Variants in ALK observed in about 807,000 individuals in gnomAD.
ALK encodes the protein ALK receptor tyrosine kinase, also known as ALK tyrosine kinase receptor.
A neutral mutation model predicts 163.1 loss-of-function variants in ALK; 74 were observed. The observed-to-expected ratio is 0.45, with a 90% confidence interval of 0.38 to 0.55. ALK has a LOEUF of 0.55. Among genes scored for constraint, ALK ranks in the 20% least tolerant of loss-of-function variants. The probability of loss-of-function intolerance (pLI) is 0.00; values close to 1 mark genes in which losing one functional copy is unlikely to be tolerated. For synonymous variants in ALK, 960 were observed against 843.2 expected (o/e 1.14, Z -2.40); for missense variants, 2,063 against 2,105.3 (o/e 0.98, Z 0.39).
rs1268240399 is a variant in ALK at position 29,920,337 on chromosome 2, AC to A, written c.322del (p.Val108SerfsTer20). ...GGCTGGTGAACCGGCGGTCCAGGAG[AC>A]CCCCGGCGCCGGCCCCAGCAACCTG... ...LLRLLGPAPG[V>X]SWTAGSPAPA... On this transcript the variant is annotated frameshift_variant, in exon 1 of 29. Coordinates refer to ENST00000389048, the MANE Select transcript of ALK (RefSeq NM_004304.5). LOFTEE classifies it high-confidence loss of function. The A allele has an allele frequency of 6.4e-7, 1 of 1,550,928 alleles. No individual in the cohort carries two copies. Among genetic ancestry groups the A allele is most frequent in the Non-Finnish European group, 8.7e-7 (1 of 1,148,792 alleles).
intron 3 of ALK, among the ~76,000 whole-genome samples, chr2:29,583,648 C>G (rs1404225791): frequency 6.6e-6 from 1 of 152,098 alleles, no homozygotes; most frequent in East Asian, 1.9e-4. Context: ...AGAGAACTAT[C>G]TAGAAGGACA....
At chr2:29,854,946 C>T (rs1441940619) in intron 1 of ALK, among the ~76,000 whole-genome samples, 1 of 152,050 alleles carries the variant, frequency 6.6e-6, no homozygotes, top group Admixed American at 6.5e-5. Flanking sequence ...ATGAGATCTA[C>T]CCTCTCTTTC....
intron 1 of ALK, among the ~76,000 whole-genome samples, chr2:29,881,445 G>A (rs1328893355): frequency 6.6e-6 from 1 of 152,188 alleles, no homozygotes; most frequent in Non-Finnish European, 1.5e-5. Flanking sequence ...CTTCCAGGAT[G>A]CAAGAAAGAT....
intron 6 of ALK, among the ~76,000 whole-genome samples, chr2:29,324,677 C>G (rs1667195916): frequency 6.6e-6 from 1 of 152,214 alleles, no homozygotes. Flanking sequence ...CATCTGGCCC[C>G]TTTCTAGGGA....
chr2:29,800,994 T>G (rs1487142822), intron 1 of ALK, among the ~76,000 whole-genome samples: 1 of 151,888 alleles, frequency 6.6e-6, no homozygotes, highest in African/African-American at 2.4e-5. Flanking sequence ...GGTAGGTGGG[T>G]CCTACTCACT....
chr2:29,541,286 T>C (rs1477539767), intron 3 of ALK, among the ~76,000 whole-genome samples: 2 of 152,194 alleles, frequency 1.3e-5, no homozygotes, highest in Non-Finnish European at 2.9e-5. Context: ...TCCAAAGCTA[T>C]CAACTTGGCT....
chr2:29,901,374 T>C (rs995672247), intron 1 of ALK, among the ~76,000 whole-genome samples: 5 of 152,206 alleles, frequency 3.3e-5, no homozygotes, highest in Admixed American at 6.5e-5. Flanking sequence ...TTCTTGAGCA[T>C]GTCTCAGCAA....
In ALK at chr2:29,193,628, A is replaced by G. The variant is rs762072069; in HGVS notation, c.4459T>C (p.Ser1487Pro). 2.5e-6 allele frequency: 4 copies of G among 1,614,092 alleles called. No homozygotes were observed. The African/African-American group carries it at 5.3e-5, about 22-fold the overall frequency. The change falls in exon 29 of 29, where the codon TCG becomes CCG. Residue 1487 changes from serine (S) to proline (P), a missense_variant. By Grantham distance (74) the Ser-to-Pro change is moderately conservative. Coordinates refer to ENST00000389048, the MANE Select transcript of ALK (RefSeq NM_004304.5). ...GATCCGTGGACCTTGTGCAACTCCG[A>G]AGGAGGGTTGGACTGAGAGAATGCC... ...NMAFSQSNPPSELHKVHGSRN... is the reference protein window; with the variant it reads ...NMAFSQSNPPPELHKVHGSRN...
At chr2:29,312,145 G>A (rs1666714154) in intron 8 of ALK, among the ~76,000 whole-genome samples, 1 of 152,064 alleles carries the variant, frequency 6.6e-6, no homozygotes, top group Non-Finnish European at 1.5e-5. Flanking sequence ...CCAGATTCAG[G>A]CTCCTTGGAG....
chr2:29,259,433 C>T (rs907119130), intron 11 of ALK, among the ~76,000 whole-genome samples: 8 of 152,056 alleles, frequency 5.3e-5, no homozygotes, highest in Non-Finnish European at 8.8e-5. Flanking sequence ...CATTATGTTG[C>T]TATTTCTGTA....
intron 1 of ALK, among the ~76,000 whole-genome samples, chr2:29,721,465 T>A (rs1265570305): frequency 1.3e-5 from 2 of 152,170 alleles, no homozygotes; most frequent in Non-Finnish European, 2.9e-5. Context: ...CCTGACTAAC[T>A]CAGTTCACTC....
chr2:29,260,964 C>T lies in ALK; in HGVS notation c.2042-9697G>A, dbSNP rs148157064. Reference sequence around the variant, plus strand: ...TTTATTCTCTATTATCCCTTTCCTACTCAATATTGATTTTATCCCCAGAAC... The same window carrying T: ...TTTATTCTCTATTATCCCTTTCCTATTCAATATTGATTTTATCCCCAGAAC... On this transcript the variant is annotated intron_variant, in intron 11 of 28. Coordinates refer to ENST00000389048, the MANE Select transcript of ALK (RefSeq NM_004304.5). Among the ~76,000 whole-genome samples, 146 of 152,274 alleles carry T rather than the reference C, an allele frequency of 9.6e-4. 1 individual carries two copies. The highest frequency in any genetic ancestry group is 2.3e-3 in the South Asian group (11 of 4,824).
intron 3 of ALK, among the ~76,000 whole-genome samples, chr2:29,683,137 G>T (rs1488583538): frequency 6.6e-6 from 1 of 152,154 alleles, no homozygotes; most frequent in Non-Finnish European, 1.5e-5. Context: ...AGCACTTTGG[G>T]TGACCGAGGC....
intron 1 of ALK, among the ~76,000 whole-genome samples, chr2:29,918,738 T>C (rs1667902339): frequency 6.6e-6 from 1 of 152,224 alleles, no homozygotes. Flanking sequence ...GCATGCAAGA[T>C]ACTTGTAGCT....
intron 1 of ALK, among the ~76,000 whole-genome samples, chr2:29,882,589 G>C (rs533255183): frequency 2.0e-5 from 3 of 152,280 alleles, no homozygotes; most frequent in Admixed American, 2.0e-4. Flanking sequence ...AGTTACTCAG[G>C]AGGCTGAGGC....
intron 4 of ALK, among the ~76,000 whole-genome samples, chr2:29,499,929 C>T (rs1672124351): frequency 1.3e-5 from 2 of 152,068 alleles, no homozygotes; most frequent in African/African-American, 4.8e-5. Context: ...TTTTCTTATT[C>T]ATGGAACACT....
chr2:29,415,269 T>A (rs956740863), intron 4 of ALK, among the ~76,000 whole-genome samples: 1 of 151,890 alleles, frequency 6.6e-6, no homozygotes, highest in African/African-American at 2.4e-5. Flanking sequence ...ATCTTCACGA[T>A]CTTCCAAAAG....
At chr2:29,371,759 C>A (rs1256555684) in intron 5 of ALK, among the ~76,000 whole-genome samples, 1 of 152,190 alleles carries the variant, frequency 6.6e-6, no homozygotes, top group East Asian at 1.9e-4. Flanking sequence ...ATCCTGCCCA[C>A]TGTTGCACCT....
intron 22 of ALK, among the ~76,000 whole-genome samples, chr2:29,221,411 G>A (rs1182670957): frequency 2.0e-5 from 3 of 152,062 alleles, no homozygotes; most frequent in African/African-American, 2.4e-5. Context: ...AATTCCACAT[G>A]GGCCAACATG....
Sources: allele counts gnomAD v4.1 joint callset (sites outside exome capture counted in the v4.1 genomes callset), GRCh38; gene constraint gnomAD v4.1.1; transcripts MANE v1.5; gene names NCBI Gene and HGNC (gene_info 2026-07-23, HGNC 2026-07-21).